CFAP43: variants seen among roughly 807,000 people sequenced by gnomAD.
CFAP43 encodes the protein cilia- and flagella-associated protein 43.
In CFAP43, 155 loss-of-function variants were observed where a neutral mutation model predicts 218.9. That is an observed-to-expected ratio of 0.71 (90% CI 0.62 to 0.81). The LOEUF is 0.81. Ranked by LOEUF, CFAP43 falls within the 30% of genes least tolerant of loss-of-function variation. CFAP43 has a pLI of 0.00. For missense variants in CFAP43, 1,778 were observed against 1,954.3 expected, an observed-to-expected ratio of 0.91 and a Z score of 1.70; for synonymous variants, 645 against 681.3, an observed-to-expected ratio of 0.95 and a Z score of 0.83.
At chr10:104,214,487 T>C (rs991702759) in intron 3 of CFAP43, 61 bp from the exon 4 acceptor site, 61 of 1,329,188 alleles carry the variant, frequency 4.6e-5, no homozygotes, top group Non-Finnish European at 4.0e-6. Flanking sequence ...ATTTAGAACA[T>C]TTATCTATTT....
In CFAP43 at chr10:104,140,994, C is replaced by A. The variant is rs747243876; in HGVS notation, c.4279G>T (p.Glu1427Ter). 6.2e-7 allele frequency: 1 copy of A among 1,609,270 alleles called. No homozygotes were observed. Among genetic ancestry groups the A allele is most frequent in the East Asian group, 2.2e-5 (1 of 44,810 alleles). The change falls in exon 34 of 38, where the codon GAA becomes TAA. Residue 1427 changes from glutamate to a stop codon, truncating the protein, a stop_gained. Coordinates refer to ENST00000357060, the MANE Select transcript of CFAP43 (RefSeq NM_025145.7). LOFTEE classifies it high-confidence loss of function. ...TTCAACTGGAATCTCACTTTCTCTT[C>A]CTGTAATCTGAATTGAAAAGTACTT... The part of the protein sequence containing the change: ...RVFHELILLQ[E>*]EKVRFQLNLT...
At chr10:104,208,142 A>G (rs2090752621) in intron 5 of CFAP43, among the ~76,000 whole-genome samples, 1 of 152,196 alleles carries the variant, frequency 6.6e-6, no homozygotes, top group South Asian at 2.1e-4. Flanking sequence ...CTGAATAGTG[A>G]CACTTCTGTG....
At chr10:104,225,634 T>C in intron 2 of CFAP43, 77 bp from the exon 3 acceptor site, 1 of 1,190,518 alleles carries the variant, frequency 8.4e-7, no homozygotes, top group Non-Finnish European at 1.2e-6. Context: ...ACAGTTTATT[T>C]TCCTTTGCTA....
chr10:104,220,959 T>C (rs1356667479), intron 3 of CFAP43, among the ~76,000 whole-genome samples: 1 of 147,596 alleles, frequency 6.8e-6, no homozygotes, highest in Non-Finnish European at 1.5e-5. Flanking sequence ...CGTGTGTGTG[T>C]GTGTGTGTGT....
At position 104,188,315 on chromosome 10, in the gene CFAP43, T is replaced by C. The variant is rs2090097706; in HGVS notation, c.1642A>G (p.Arg548Gly). Residue 548 changes from arginine to glycine, a missense_variant, in exon 13 of 38, where the codon AGA (arginine) becomes GGA (glycine). Physicochemically the swap from Arg to Gly is moderately radical, Grantham distance 125 (BLOSUM62 -2). This residue lies in a region of CFAP43 where 1,553 missense variants were observed against 1,685.2 expected (regional missense o/e 0.92). Coordinates refer to ENST00000357060, the MANE Select transcript of CFAP43 (RefSeq NM_025145.7). ...MVLSSLPEAG[R>G]SRLEMFTLPT... The stretch of plus-strand genomic sequence containing the variant: ...AGTGTGAACATCTCCAACCTGCTTC[T>C]CCCTGCTTCTGGAAGCGAGGAAAGC... The C allele has an allele frequency of 6.2e-7, 1 of 1,614,124 alleles. No individual in the cohort carries two copies. Among genetic ancestry groups the C allele is most frequent in the South Asian group, 1.1e-5 (1 of 91,070 alleles).
intron 4 of CFAP43, among the ~76,000 whole-genome samples, chr10:104,213,389 A>G (rs2090919947): frequency 6.6e-6 from 1 of 152,154 alleles, no homozygotes. Context: ...TGAGTCTCCG[A>G]GCTCTTTCTC....
chr10:104,173,736 A>AG (rs879887816), intron 19 of CFAP43, among the ~76,000 whole-genome samples: 64 of 152,364 alleles, frequency 4.2e-4, no homozygotes, highest in Non-Finnish European at 8.2e-4. Flanking sequence ...GAGCAGACAG[A>AG]ATACCTGCTA....
At chr10:104,172,273 C>T (rs1340615575) in intron 20 of CFAP43, 137 bp downstream of exon 20, 1 of 1,060,198 alleles carries the variant, frequency 9.4e-7, no homozygotes, top group Non-Finnish European at 1.3e-6. Flanking sequence ...TACTTATATG[C>T]ACTATGTTTG....
chr10:104,140,302 T>A (rs1214745286), intron 34 of CFAP43, among the ~76,000 whole-genome samples: 1 of 152,230 alleles, frequency 6.6e-6, no homozygotes, highest in Non-Finnish European at 1.5e-5. Flanking sequence ...AGCTCTGTGA[T>A]CCTTCTTGAA....
In CFAP43 at chr10:104,182,352, T is replaced by C. The variant is rs887639810; in HGVS notation, c.2289+14A>G. On this transcript the variant is annotated intron_variant, in intron 17 of 37. Coordinates refer to ENST00000357060, the MANE Select transcript of CFAP43 (RefSeq NM_025145.7). The stretch of plus-strand genomic sequence containing the variant: ...GAAATGTAAGCAAGCAAGCTAGTCA[T>C]ATAGGAACTCAACTGTGTGTTCAGA... The C allele has an allele frequency of 1.7e-5, 26 of 1,574,906 alleles. No individual in the cohort carries two copies. The highest frequency in any genetic ancestry group is 2.4e-5 in the South Asian group (2 of 83,480).
At position 104,197,614 on chromosome 10, in the gene CFAP43, G is replaced by T. The variant is rs547355030; in HGVS notation, c.1212+308C>A. On this transcript the variant is annotated intron_variant, in intron 9 of 37. Coordinates refer to ENST00000357060, the MANE Select transcript of CFAP43 (RefSeq NM_025145.7). ...GAATGTGTTTTAAAAACGTGTTAAA[G>T]CCTGGCTTGCAGAGCTTGGGTGGTG... Among the ~76,000 whole-genome samples the T allele has an allele frequency of 2.6e-5, 4 of 152,356 alleles. No individual in the cohort carries two copies. The South Asian group carries it at 6.2e-4, about 24-fold the overall frequency.
intron 21 of CFAP43, 138 bp from the exon 22 acceptor site, chr10:104,167,875 C>T (rs2089242345): frequency 3.5e-6 from 2 of 565,036 alleles, no homozygotes; most frequent in Middle Eastern, 2.7e-4. Context: ...CAATGGAAAC[C>T]TTTTTAAAAA....
At chr10:104,182,702 C>CT (rs909021408) in intron 16 of CFAP43, among the ~76,000 whole-genome samples, 189 bp from the exon 17 acceptor site, 93 of 149,578 alleles carry the variant, frequency 6.2e-4, no homozygotes, top group Middle Eastern at 3.4e-3. Context: ...AGAATTTCTT[C>CT]TTTTTTTTTT....
At chr10:104,161,380 TCTTAGGTGATAGACTC>T (rs2088863582) in intron 26 of CFAP43, among the ~76,000 whole-genome samples, 1 of 152,192 alleles carries the variant, frequency 6.6e-6, no homozygotes, top group Non-Finnish European at 1.5e-5. Context: ...ATACCTGGAC[TCTTAGGTGATAGACTC>T]AGAGGGGTGT....
At chr10:104,151,542 G>A (rs1170203166) in intron 28 of CFAP43, among the ~76,000 whole-genome samples, 1 of 152,110 alleles carries the variant, frequency 6.6e-6, no homozygotes, top group Non-Finnish European at 1.5e-5. Flanking sequence ...CCACATGTAT[G>A]TCTTCTTTAG....
At chr10:104,226,879 G>A (rs1421302373) in intron 2 of CFAP43, among the ~76,000 whole-genome samples, 1 of 152,066 alleles carries the variant, frequency 6.6e-6, no homozygotes, top group Non-Finnish European at 1.5e-5. Context: ...TTAGCCGGGT[G>A]TGGTGGCAAG....
chr10:104,225,626 A>G (rs190064517), intron 2 of CFAP43, 69 bp from the exon 3 acceptor site: 2 of 1,268,170 alleles, frequency 1.6e-6, no homozygotes, highest in East Asian at 5.4e-5. Context: ...ATGGTCTTAC[A>G]GTTTATTTTC....
At chr10:104,143,724 T>C in intron 31 of CFAP43, 85 bp from the exon 32 acceptor site, 1 of 1,270,836 alleles carries the variant, frequency 7.9e-7, no homozygotes, top group South Asian at 1.3e-5. Flanking sequence ...AGCACAGGCA[T>C]AACACATTGT....
chr10:104,227,207 C>T (rs2091326465), intron 2 of CFAP43, among the ~76,000 whole-genome samples: 1 of 152,050 alleles, frequency 6.6e-6, no homozygotes, highest in Admixed American at 6.6e-5. Flanking sequence ...ATCCATAATA[C>T]TGGAGATGTA....
Sources: gnomAD v4.1 joint callset for allele counts (sites outside exome capture counted in the v4.1 genomes callset) on GRCh38, gnomAD v4.1.1 for gene constraint, gnomAD v4.1.1 regional missense constraint, MANE v1.5 for transcripts, NCBI Gene and HGNC (gene_info 2026-07-23, HGNC 2026-07-21) for gene names.